TTC28: variants seen among roughly 807,000 people sequenced by gnomAD.
TTC28 encodes the protein tetratricopeptide repeat protein 28.
Under a neutral mutation model 198.0 loss-of-function variants are expected in TTC28, and 61 were observed. The observed-to-expected ratio is 0.31, with a 90% confidence interval of 0.25 to 0.38. The LOEUF is 0.38. Among genes scored for constraint, TTC28 ranks in the 10% least tolerant of loss-of-function variants. The probability of loss-of-function intolerance (pLI) is 1.00; values close to 1 mark genes in which losing one functional copy is unlikely to be tolerated. For synonymous variants in TTC28, 1,171 were observed against 1,297.8 expected (o/e 0.90, Z 2.10); for missense variants, 2,678 against 3,164.0 (o/e 0.85, Z 3.69).
At chr22:28,544,946 A>G (rs1015694871) in intron 2 of TTC28, among the ~76,000 whole-genome samples, 1 of 152,218 alleles carries the variant, frequency 6.6e-6, no homozygotes, top group Admixed American at 6.5e-5. Flanking sequence ...AGAAACAACT[A>G]TAAGTATACT....
chr22:28,310,375 T>C (rs1344396966), intron 2 of TTC28, among the ~76,000 whole-genome samples: 2 of 152,232 alleles, frequency 1.3e-5, no homozygotes, highest in African/African-American at 4.8e-5. Context: ...TATTAGCATT[T>C]GCTTTTTACT....
chr22:27,998,937 G>A lies in TTC28; in HGVS notation c.4722C>T (p.Gly1574=), dbSNP rs367599451. The part of the protein sequence containing the change: ...GNPASSKSSF[G]HPYTIPESLR... ...AGGACTCAGGGATCGTGTAGGGGTG[G>A]CCGAAGGAGCTCTTGCTGCTGGCAG... Residue 1574 remains glycine (G), a synonymous_variant, in exon 16 of 23, where the codon GGC becomes GGT. Coordinates refer to ENST00000397906, the MANE Select transcript of TTC28 (RefSeq NM_001145418.2). 1.7e-5 allele frequency: 27 copies of A among 1,550,714 alleles called. No homozygotes were observed. The African/African-American group carries it at 3.1e-4, about 18-fold the overall frequency.
At chr22:28,037,743 T>C (rs1159615371) in intron 12 of TTC28, among the ~76,000 whole-genome samples, 2 of 152,192 alleles carry the variant, frequency 1.3e-5, no homozygotes, top group African/African-American at 2.4e-5. Flanking sequence ...TGTTTGCAGA[T>C]GACATGATTG....
intron 21 of TTC28, among the ~76,000 whole-genome samples, chr22:27,986,806 T>C (rs911790977): frequency 6.6e-6 from 1 of 152,218 alleles, no homozygotes; most frequent in Non-Finnish European, 1.5e-5. Flanking sequence ...AGGAGCATTC[T>C]GGTCACTATG....
chr22:28,557,995 G>A (rs115065571), intron 2 of TTC28, among the ~76,000 whole-genome samples: 7,353 of 152,030 alleles, frequency 0.048, 257 homozygotes, highest in African/African-American at 0.094. Context: ...TCCAGTCTTA[G>A]TTCATAATTT....
intron 2 of TTC28, among the ~76,000 whole-genome samples, chr22:28,522,086 T>A (rs1236481860): frequency 1.3e-5 from 2 of 152,180 alleles, no homozygotes; most frequent in East Asian, 1.9e-4. Flanking sequence ...AGAAAGAGAA[T>A]AATATGACAG....
intron 5 of TTC28, among the ~76,000 whole-genome samples, chr22:28,262,321 A>C (rs1931379114): frequency 6.6e-6 from 1 of 152,174 alleles, no homozygotes; most frequent in African/African-American, 2.4e-5. Context: ...TAACCGACAC[A>C]ATGTTTATTC....
intron 12 of TTC28, among the ~76,000 whole-genome samples, chr22:28,057,848 A>T (rs547882597): frequency 6.6e-6 from 1 of 152,186 alleles, no homozygotes; most frequent in South Asian, 2.1e-4. Flanking sequence ...TGTTGAAAAG[A>T]CTTTCCTTTC....
At chr22:28,661,192 G>T (rs2051739242) in intron 1 of TTC28, among the ~76,000 whole-genome samples, 1 of 152,008 alleles carries the variant, frequency 6.6e-6, no homozygotes, top group Non-Finnish European at 1.5e-5. Context: ...GCTAAGGCAG[G>T]AGAATCCCTT....
intron 2 of TTC28, among the ~76,000 whole-genome samples, chr22:28,382,888 C>T (rs2046517231): frequency 6.6e-6 from 1 of 152,184 alleles, no homozygotes; most frequent in East Asian, 1.9e-4. Flanking sequence ...TGTACCACCA[C>T]TATTTGGTCT....
intron 6 of TTC28, among the ~76,000 whole-genome samples, chr22:28,117,021 G>T (rs558182411): frequency 2.0e-5 from 3 of 152,162 alleles, no homozygotes; most frequent in Non-Finnish European, 4.4e-5. Context: ...TCTCTTCCAC[G>T]TTCAGGTATG....
chr22:28,070,669 A>C (rs996460487), intron 12 of TTC28, among the ~76,000 whole-genome samples: 1 of 152,132 alleles, frequency 6.6e-6, no homozygotes, highest in East Asian at 1.9e-4. Context: ...TGGTAAAAAG[A>C]GGCAAGTCTA....
intron 2 of TTC28, among the ~76,000 whole-genome samples, chr22:28,504,464 C>T (rs929805229): frequency 6.6e-6 from 1 of 151,342 alleles, no homozygotes; most frequent in Non-Finnish European, 1.5e-5. Context: ...ACACACACAC[C>T]TATATATATA....
At chr22:28,304,832 G>C (rs1311854122) in intron 3 of TTC28, among the ~76,000 whole-genome samples, 1 of 152,070 alleles carries the variant, frequency 6.6e-6, no homozygotes, top group Non-Finnish European at 1.5e-5. Flanking sequence ...CCTGTGGAGG[G>C]GTGTAGGGAG....
At position 28,535,068 on chromosome 22, in the gene TTC28, T is replaced by TA. The variant is rs532281535; in HGVS notation, c.381+94483dup. On this transcript the variant is annotated intron_variant, in intron 2 of 22. Transcript: ENST00000397906. ...CCTAGAACTTCAAGTATAATAATAA[T>TA]AAAAAAAAGAAAGATGACGGCTCTA... Among the ~76,000 whole-genome samples the TA allele has an allele frequency of 1.3e-4, 19 of 151,544 alleles. 1 individual carries two copies. The South Asian group carries it at 2.1e-3, about 17-fold the overall frequency.
chr22:27,984,630 A>T (rs1161514877), intron 22 of TTC28, among the ~76,000 whole-genome samples: 1 of 152,158 alleles, frequency 6.6e-6, no homozygotes, highest in Non-Finnish European at 1.5e-5. Context: ...TGCCTAATGG[A>T]TATCCCCAAA....
chr22:28,181,927 T>C (rs1374085433), intron 5 of TTC28, among the ~76,000 whole-genome samples: 1 of 152,210 alleles, frequency 6.6e-6, no homozygotes, highest in African/African-American at 2.4e-5. Flanking sequence ...AACTCCATTC[T>C]ATGTAGCTCT....
chr22:28,605,068 TAAA>T (rs1381804687), intron 2 of TTC28, among the ~76,000 whole-genome samples: 1 of 152,166 alleles, frequency 6.6e-6, no homozygotes, highest in East Asian at 1.9e-4. Context: ...CCTGAGAACA[TAAA>T]TAATTGAGCT....
At chr22:28,338,425 T>C (rs2045769257) in intron 2 of TTC28, among the ~76,000 whole-genome samples, 1 of 152,252 alleles carries the variant, frequency 6.6e-6, no homozygotes. Flanking sequence ...GATAATATCC[T>C]GAGAGTGTTT....
Sources: gnomAD v4.1 joint callset for allele counts (sites outside exome capture counted in the v4.1 genomes callset) on GRCh38, gnomAD v4.1.1 for gene constraint, MANE v1.5 for transcripts, NCBI Gene and HGNC (gene_info 2026-07-23, HGNC 2026-07-21) for gene names.